Variants in COLEC11 observed in about 807,000 individuals in gnomAD.
COLEC11 encodes the protein collectin subfamily member 11, also known as collectin-11.
COLEC11 carries 20 observed loss-of-function variants against 27.3 expected under a neutral mutation model. The ratio of observed to expected loss-of-function variants is 0.73; its 90% CI spans 0.51 to 1.06. The LOEUF is 1.06. Among genes scored for constraint, COLEC11 ranks in the 50% least tolerant of loss-of-function variants. The pLI, the probability that COLEC11 is intolerant of heterozygous loss-of-function variation, is 0.00. For synonymous variants in COLEC11, 163 were observed against 154.7 expected (o/e 1.05, Z -0.40); for missense variants, 310 against 383.0 (o/e 0.81, Z 1.59).
chr2:3,606,838 C>T (rs955975526), intron 2 of COLEC11, among the ~76,000 whole-genome samples: 10 of 152,336 alleles, frequency 6.6e-5, no homozygotes, highest in African/African-American at 2.4e-4. Flanking sequence ...CAGCATGTGC[C>T]GTAGCCCCCC....
chr2:3,602,162 A>C lies in COLEC11; in HGVS notation c.-26-2153A>C, dbSNP rs1662279356. On this transcript the variant is annotated intron_variant, in intron 1 of 6. Coordinates refer to ENST00000349077, the MANE Select transcript of COLEC11 (RefSeq NM_024027.5). This position sits in a 1 kb window ranked among gnomAD's most constrained non-coding sequence, Gnocchi z 6.2. ...GTTGATGTGGGAAGCCCCCCACCAC[A>C]GATGGCCTTTCTCTAGCAGCTAAGG... 1 of 152,212 alleles carries C rather than the reference A, an allele frequency of 6.6e-6. No individual in the cohort carries two copies. The highest frequency in any genetic ancestry group is 2.1e-4 in the South Asian group (1 of 4,826). 9.4% of individuals were successfully genotyped at this position (152,212 alleles called of 1,614,324 possible).
chr2:3,611,845 C>T (rs891543449), intron 2 of COLEC11, among the ~76,000 whole-genome samples: 7 of 152,098 alleles, frequency 4.6e-5, no homozygotes, highest in Admixed American at 2.0e-4. Flanking sequence ...TCAACTGAGC[C>T]TCTCTCCAAG....
intron 1 of COLEC11, among the ~76,000 whole-genome samples, chr2:3,603,002 G>A (rs1161862854): frequency 6.6e-6 from 1 of 152,240 alleles, no homozygotes; most frequent in Admixed American, 6.5e-5. Flanking sequence ...GGTGCCTAGA[G>A]CTGTGCCTGA....
chr2:3,597,525 A>G (rs1661934220), intron 1 of COLEC11, among the ~76,000 whole-genome samples: 1 of 152,182 alleles, frequency 6.6e-6, no homozygotes, highest in Admixed American at 6.5e-5. Flanking sequence ...TTTTCTTGGG[A>G]GACGGAGCCT....
chr2:3,613,277 A>G (rs1264723012), intron 2 of COLEC11, 34 bp from the exon 3 acceptor site: 1 of 1,591,500 alleles, frequency 6.3e-7, no homozygotes, highest in Non-Finnish European at 8.6e-7. Context: ...TGCTGGCCAG[A>G]CGAGCTGCTA....
rs749127980 is a variant in COLEC11, at chr2:3,640,454, T to C, written c.328+123T>C. On this transcript the variant is annotated intron_variant, in intron 5 of 6. Coordinates refer to ENST00000349077, the MANE Select transcript of COLEC11 (RefSeq NM_024027.5). ...CACCCACCCCTGTCACATCCCACAG[T>C]GGACACCCACCCCCGTCACATCCCA... The C allele has an allele frequency of 3.4e-4, 223 of 648,894 alleles. 1 individual carries two copies. Among genetic ancestry groups the C allele is most frequent in the African/African-American group, 7.1e-4 (35 of 49,436 alleles). The allele number at this position is 648,894 out of a possible 1,614,324, so 40.2% of individuals were successfully genotyped here.
At chr2:3,632,388 G>T (rs1019689967) in intron 3 of COLEC11, among the ~76,000 whole-genome samples, 1 of 152,180 alleles carries the variant, frequency 6.6e-6, no homozygotes, top group Admixed American at 6.5e-5. Flanking sequence ...ATTTCCTCCC[G>T]GCTGTGGAGG....
At chr2:3,609,465 G>A (rs374347583) in intron 2 of COLEC11, among the ~76,000 whole-genome samples, 16 of 146,626 alleles carry the variant, frequency 1.1e-4, no homozygotes, top group African/African-American at 3.8e-4. Context: ...CAACTCCTGG[G>A]CTGAAGAGCT....
At chr2:3,643,638 G>T in intron 6 of COLEC11, 89 bp from the exon 7 acceptor site, 1 of 1,604,398 alleles carries the variant, frequency 6.2e-7, no homozygotes, top group Non-Finnish European at 8.5e-7. Context: ...TGCCCTGCCT[G>T]CCCTGCCGGC....
intron 2 of COLEC11, chr2:3,606,389 G>A: frequency 4.1e-6 from 3 of 728,000 alleles, no homozygotes; most frequent in Non-Finnish European, 6.8e-6. Context: ...CACATGGGTA[G>A]GGTCCCTTCT....
At chr2:3,642,833 C>T (rs1322662656) in intron 5 of COLEC11, among the ~76,000 whole-genome samples, 1 of 152,184 alleles carries the variant, frequency 6.6e-6, no homozygotes, top group East Asian at 1.9e-4. Flanking sequence ...GCAGGTGCTC[C>T]TGGTGATGCT....
intron 3 of COLEC11, among the ~76,000 whole-genome samples, chr2:3,623,113 A>C (rs558975861): frequency 6.6e-6 from 1 of 152,104 alleles, no homozygotes; most frequent in South Asian, 2.1e-4. Context: ...ATATGATCCC[A>C]CTTTCTCCTG....
At chr2:3,615,679 G>A (rs1447817918) in intron 3 of COLEC11, among the ~76,000 whole-genome samples, 2 of 152,272 alleles carry the variant, frequency 1.3e-5, no homozygotes, top group African/African-American at 2.4e-5. Flanking sequence ...GGTGGCGGCC[G>A]GGCAGAGGGG....
At chr2:3,637,839 G>A (rs186774453) in intron 4 of COLEC11, among the ~76,000 whole-genome samples, 1 of 152,302 alleles carries the variant, frequency 6.6e-6, no homozygotes, top group East Asian at 1.9e-4. Context: ...GATTTTCACA[G>A]CGCCCCAGGA....
chr2:3,632,875 G>A (rs897093482), intron 3 of COLEC11, among the ~76,000 whole-genome samples: 1 of 147,252 alleles, frequency 6.8e-6, no homozygotes. Context: ...CCCTAGGAAC[G>A]TCACCTTCCC....
intron 3 of COLEC11, among the ~76,000 whole-genome samples, chr2:3,631,717 G>A (rs1250898454): frequency 2.0e-5 from 3 of 151,210 alleles, no homozygotes; most frequent in Non-Finnish European, 4.4e-5. Context: ...CTCGGAGGGG[G>A]CCCCTACTCG....
At chr2:3,643,683 C>T (rs1278225393) in intron 6 of COLEC11, 44 bp from the exon 7 acceptor site, 1 of 1,612,920 alleles carries the variant, frequency 6.2e-7, no homozygotes, top group South Asian at 1.1e-5. Context: ...AAGTTTGTTG[C>T]ACACATACAA....
At position 3,635,816 on chromosome 2, in the gene COLEC11, C is replaced by T. The variant is rs1212150592; in HGVS notation, c.203-1717C>T. The stretch of plus-strand genomic sequence containing the variant: ...CAGCTGCCAGCATCAGGAGAGCAGC[C>T]TGGGCCTCAGAGCAGCAGAGTGTGG... On this transcript the variant is annotated intron_variant, in intron 3 of 6. Transcript: ENST00000349077. Among the ~76,000 whole-genome samples the T allele has an allele frequency of 2.0e-5, 3 of 152,210 alleles. 1 individual carries two copies. The highest frequency in any genetic ancestry group is 1.3e-4 in the Admixed American group (2 of 15,280).
chr2:3,636,176 C>T (rs752157905), intron 3 of COLEC11, among the ~76,000 whole-genome samples: 3 of 152,196 alleles, frequency 2.0e-5, no homozygotes, highest in Non-Finnish European at 4.4e-5. Flanking sequence ...CCGCCACCAC[C>T]GCCGGGCGCA....
Sources: gnomAD v4.1 joint callset for allele counts (sites outside exome capture counted in the v4.1 genomes callset) on GRCh38, gnomAD v4.1.1 for gene constraint, Gnocchi (gnomAD v3.1) non-coding constraint, MANE v1.5 for transcripts, NCBI Gene and HGNC (gene_info 2026-07-23, HGNC 2026-07-21) for gene names.